Variants in ARIH1 observed in about 807,000 individuals in gnomAD.
ARIH1 encodes the protein ariadne RBR E3 ubiquitin protein ligase 1.
ARIH1 carries 8 observed loss-of-function variants against 85.0 expected under a neutral mutation model. The ratio of observed to expected loss-of-function variants is 0.09; its 90% confidence interval spans 0.06 to 0.17. The LOEUF is 0.17. Ranked by LOEUF, ARIH1 falls within the 10% of genes least tolerant of loss-of-function variation. ARIH1 has a pLI of 1.00. For synonymous variants in ARIH1, 238 were observed against 253.6 expected, an observed-to-expected ratio of 0.94 and a Z score of 0.59; for missense variants, 311 against 718.1, an observed-to-expected ratio of 0.43 and a Z score of 6.48.
chr15:72,554,227 T>C (rs142448352), intron 3 of ARIH1, among the ~76,000 whole-genome samples: 13 of 152,204 alleles, frequency 8.5e-5, no homozygotes, highest in Non-Finnish European at 1.9e-4. Flanking sequence ...CTTTTGAGTA[T>C]ATACCCAGGA....
At chr15:72,479,825 G>A (rs2063808178) in intron 1 of ARIH1, among the ~76,000 whole-genome samples, 1 of 151,356 alleles carries the variant, frequency 6.6e-6, no homozygotes, top group South Asian at 2.1e-4. Flanking sequence ...AGAACCTCAA[G>A]TTGAGGTTGC....
chr15:72,497,603 G>A (rs2063884968), intron 1 of ARIH1, among the ~76,000 whole-genome samples: 4 of 152,164 alleles, frequency 2.6e-5, no homozygotes, highest in Admixed American at 2.6e-4. Context: ...TTAAGTGTTA[G>A]GTTTTATGTG....
At chr15:72,480,788 C>T (rs1383915774) in intron 1 of ARIH1, among the ~76,000 whole-genome samples, 1 of 152,144 alleles carries the variant, frequency 6.6e-6, no homozygotes, top group African/African-American at 2.4e-5. Flanking sequence ...TGGTCTCAAA[C>T]TCCCGACCTC....
intron 1 of ARIH1, among the ~76,000 whole-genome samples, chr15:72,480,343 C>T (rs2063811080): frequency 6.6e-6 from 1 of 151,484 alleles, no homozygotes; most frequent in Admixed American, 6.6e-5. Flanking sequence ...CTCACTGCAA[C>T]CTCCACTTCC....
intron 1 of ARIH1, among the ~76,000 whole-genome samples, chr15:72,515,386 T>G (rs1420024376): frequency 2.0e-5 from 3 of 152,072 alleles, no homozygotes; most frequent in Non-Finnish European, 4.4e-5. Flanking sequence ...GCTTTAAAAG[T>G]CTTTGATAAT....
chr15:72,514,944 G>A (rs2063968257), intron 1 of ARIH1, among the ~76,000 whole-genome samples: 2 of 151,270 alleles, frequency 1.3e-5, no homozygotes, highest in Non-Finnish European at 2.9e-5. Flanking sequence ...CCTAGATCAC[G>A]CCACTGCACT....
chr15:72,526,331 A>G (rs556403468), intron 2 of ARIH1, among the ~76,000 whole-genome samples: 3 of 152,322 alleles, frequency 2.0e-5, no homozygotes, highest in African/African-American at 4.8e-5. Context: ...AGAGGTATAA[A>G]TAGATCCTTG....
chr15:72,520,575 TTTG>T (rs1404164852), intron 2 of ARIH1, among the ~76,000 whole-genome samples: 5 of 152,178 alleles, frequency 3.3e-5, no homozygotes, highest in African/African-American at 9.6e-5. Context: ...GTGCTTTATA[TTTG>T]TTATGTTTTC....
intron 9 of ARIH1, among the ~76,000 whole-genome samples, chr15:72,568,450 C>A (rs897130767): frequency 2.6e-5 from 4 of 152,118 alleles, no homozygotes. Flanking sequence ...TACTTGTAAG[C>A]CCCAAAGATG....
intron 1 of ARIH1, among the ~76,000 whole-genome samples, chr15:72,482,831 C>G (rs1202574419): frequency 8.5e-6 from 1 of 117,360 alleles, no homozygotes; most frequent in Non-Finnish European, 1.9e-5. Flanking sequence ...TAGCAGTTCT[C>G]TCTCTCTCTT....
chr15:72,528,743 T>C (rs2064041451), intron 2 of ARIH1, among the ~76,000 whole-genome samples: 1 of 152,168 alleles, frequency 6.6e-6, no homozygotes. Context: ...TAGTCCCAGC[T>C]ACTCAGAAGG....
chr15:72,587,973 G>A lies in ARIH1; in HGVS notation c.*4681G>A, dbSNP rs1028688326. 6.6e-6 allele frequency: 1 copy of A among 152,132 alleles called. No homozygotes were observed. Among genetic ancestry groups the A allele is most frequent in the Non-Finnish European group, 1.5e-5 (1 of 68,028 alleles). The allele number at this position is 152,132 out of a possible 1,614,324, so 9.4% of individuals were successfully genotyped here. A position where few individuals can be genotyped will look rare whatever the true frequency, so the allele number is the denominator to read the frequency against. ...AGCAGTTTTCAGGCTATCATTTAGGGCCACAGATATGCTTATTTAGGACTA... is the reference window on the plus strand; with the variant it reads ...AGCAGTTTTCAGGCTATCATTTAGGACCACAGATATGCTTATTTAGGACTA... On this transcript the variant is annotated 3_prime_UTR_variant, in exon 14 of 14. Coordinates refer to ENST00000379887, the MANE Select transcript of ARIH1 (RefSeq NM_005744.5).
chr15:72,552,083 A>C (rs181925335), intron 3 of ARIH1, among the ~76,000 whole-genome samples: 1 of 152,286 alleles, frequency 6.6e-6, no homozygotes, highest in Admixed American at 6.5e-5. Context: ...AAATGTATAT[A>C]TTTATTATAA....
Position 72,583,192 on chromosome 15 carries a change from T to G in ARIH1, c.1590-16T>G. On this transcript the variant is annotated splice_polypyrimidine_tract_variant and intron_variant, in intron 13 of 13. Transcript: ENST00000379887. ...AGGCTGACAACAAGTTTTTTTTTTT[T>G]TCTCTTTGATTACAGATACTGTGAG... 1 of 1,585,416 alleles carries G rather than the reference T, an allele frequency of 6.3e-7. No homozygotes were observed. Among genetic ancestry groups the G allele is most frequent in the Non-Finnish European group, 8.6e-7 (1 of 1,168,402 alleles).
intron 6 of ARIH1, among the ~76,000 whole-genome samples, 153 bp downstream of exon 6, chr15:72,561,702 C>T (rs577929693): frequency 6.6e-6 from 1 of 152,250 alleles, no homozygotes; most frequent in East Asian, 1.9e-4. Flanking sequence ...GTATGACAGG[C>T]CAGGTGTGGT....
intron 1 of ARIH1, among the ~76,000 whole-genome samples, chr15:72,485,093 A>AT (rs1211283116): frequency 3.3e-5 from 5 of 152,100 alleles, no homozygotes; most frequent in Admixed American, 6.6e-5. Flanking sequence ...AACATCTATT[A>AT]TTTTTTAATT....
intron 1 of ARIH1, among the ~76,000 whole-genome samples, chr15:72,503,988 C>A (rs1184556510): frequency 6.6e-6 from 1 of 152,212 alleles, no homozygotes; most frequent in Non-Finnish European, 1.5e-5. Flanking sequence ...CAGTAGGCTC[C>A]TTGCCTTGTT....
At chr15:72,492,201 G>A (rs917806844) in intron 1 of ARIH1, among the ~76,000 whole-genome samples, 18 of 151,816 alleles carry the variant, frequency 1.2e-4, no homozygotes, top group Admixed American at 5.3e-4. Context: ...AATAATTCTC[G>A]ACCAAAGTAA....
intron 1 of ARIH1, among the ~76,000 whole-genome samples, chr15:72,507,767 G>A (rs1181223875): frequency 1.3e-5 from 2 of 152,200 alleles, no homozygotes; most frequent in Non-Finnish European, 2.9e-5. Flanking sequence ...TGGTGCAATT[G>A]ATGTTAAAGC....
Sources: allele counts gnomAD v4.1 joint callset (sites outside exome capture counted in the v4.1 genomes callset), GRCh38; gene constraint gnomAD v4.1.1; transcripts MANE v1.5; gene names NCBI Gene and HGNC (gene_info 2026-07-23, HGNC 2026-07-21).